The following OPHN1 variants were observed in gnomAD, a reference collection of about 807,000 sequenced individuals.
The protein encoded by OPHN1 is oligophrenin 1, also known as oligophrenin-1.
In OPHN1, 11 loss-of-function variants were observed where a neutral mutation model predicts 60.7. The ratio of observed to expected loss-of-function variants is 0.18; its 90% CI spans 0.11 to 0.30. The LOEUF is 0.30. Ranked by LOEUF, OPHN1 falls within the 10% of genes least tolerant of loss-of-function variation. The pLI is 1.00. For synonymous variants in OPHN1, 226 were observed against 222.6 expected, an observed-to-expected ratio of 1.02 and a Z score of -0.14; for missense variants, 449 against 611.0, an observed-to-expected ratio of 0.73 and a Z score of 2.80.
At chrX:68,113,713 G>A (rs939881024) in intron 16 of OPHN1, among the ~76,000 whole-genome samples, 1 of 103,884 alleles carries the variant, frequency 9.6e-6, no homozygotes, top group Non-Finnish European at 1.9e-5. Context: ...CTATCGCAAG[G>A]ACAAAAAACC....
At chrX:68,106,649 A>G (rs757341248) in intron 18 of OPHN1, among the ~76,000 whole-genome samples, 2 of 111,724 alleles carry the variant, frequency 1.8e-5, no homozygotes, top group South Asian at 7.6e-4. Flanking sequence ...GATACTAACC[A>G]AAAAGAACTG....
At chrX:68,131,601 C>T (rs1486981089) in intron 15 of OPHN1, among the ~76,000 whole-genome samples, 1 of 111,949 alleles carries the variant, frequency 8.9e-6, no homozygotes, top group African/African-American at 3.3e-5. Flanking sequence ...AATACAGACA[C>T]CACCTTTATA....
At chrX:68,378,198 T>C (rs1463966894) in intron 2 of OPHN1, among the ~76,000 whole-genome samples, 1 of 112,644 alleles carries the variant, frequency 8.9e-6, no homozygotes, top group African/African-American at 3.2e-5. Flanking sequence ...TGAGCATTTT[T>C]TCATGTGTCT....
chrX:68,131,348 A>G (rs1289715013), intron 15 of OPHN1, among the ~76,000 whole-genome samples: 6 of 109,460 alleles, frequency 5.5e-5, no homozygotes, highest in African/African-American at 2.0e-4. Context: ...CCTCCCGAGT[A>G]GCTGGGACTA....
chrX:68,174,735 G>C (rs2066144260), intron 15 of OPHN1, among the ~76,000 whole-genome samples: 1 of 110,059 alleles, frequency 9.1e-6, no homozygotes, highest in African/African-American at 3.3e-5. Flanking sequence ...GCCTCCTAAA[G>C]TGCTGGGATT....
intron 15 of OPHN1, among the ~76,000 whole-genome samples, chrX:68,140,258 G>A (rs1387693503): frequency 9.0e-6 from 1 of 111,502 alleles, no homozygotes; most frequent in East Asian, 2.8e-4. Context: ...TATGTAACAT[G>A]GAAACATTAA....
At chrX:68,324,479 G>A (rs1260909260) in intron 2 of OPHN1, among the ~76,000 whole-genome samples, 8 of 106,132 alleles carry the variant, frequency 7.5e-5, no homozygotes, top group Admixed American at 6.2e-4. Flanking sequence ...GTATGGTGGT[G>A]CGCGCTGTAG....
intron 2 of OPHN1, among the ~76,000 whole-genome samples, chrX:68,303,322 T>A (rs950886819): frequency 1.3e-4 from 15 of 111,887 alleles, no homozygotes; most frequent in Admixed American, 9.5e-4. Context: ...AAATATGGAA[T>A]CGACCTAAGT....
chrX:68,271,976 G>A (rs772031991), intron 5 of OPHN1, among the ~76,000 whole-genome samples: 2 of 8,531 alleles, frequency 2.3e-4, no homozygotes, highest in African/African-American at 8.5e-4. Context: ...CCCCAACCCC[G>A]CCTCAGCTGG....
intron 2 of OPHN1, among the ~76,000 whole-genome samples, chrX:68,397,015 T>C (rs2078688318): frequency 9.0e-6 from 1 of 110,593 alleles, no homozygotes; most frequent in African/African-American, 3.3e-5. Flanking sequence ...TAATCTTCTC[T>C]GGGTGGCTAG....
In OPHN1 at chrX:68,286,046, T is replaced by C. The variant is rs191466567; in HGVS notation, c.251-2929A>G. 3.6e-5 allele frequency among the ~76,000 whole-genome samples: 4 copies of C among 111,300 alleles called. No individual in the cohort carries two copies. In the East Asian group the frequency reaches 1.1e-3, roughly 31 times the overall value. ...GGGCTTCCTCGGGGGCAGGTTCTATTAATTGCTTTTTTTCCCTTGTTCAAG... is the reference window on the plus strand; with the variant it reads ...GGGCTTCCTCGGGGGCAGGTTCTATCAATTGCTTTTTTTCCCTTGTTCAAG... On this transcript the variant is annotated intron_variant, in intron 3 of 24. Coordinates refer to ENST00000355520, the MANE Select transcript of OPHN1 (RefSeq NM_002547.3).
chrX:68,353,825 C>T (rs779115839), intron 2 of OPHN1, among the ~76,000 whole-genome samples: 5 of 111,462 alleles, frequency 4.5e-5, no homozygotes, highest in South Asian at 7.4e-4. Context: ...AAAGGAGCTA[C>T]ACCACAAGGC....
chrX:68,416,263 G>A (rs1039615947), intron 2 of OPHN1, among the ~76,000 whole-genome samples: 8 of 107,785 alleles, frequency 7.4e-5, no homozygotes, highest in Admixed American at 6.1e-4. Flanking sequence ...AGCTGGTCTC[G>A]AACTACTGAA....
intron 5 of OPHN1, 94 bp from the exon 6 acceptor site, chrX:68,234,682 G>C (rs1448977132): frequency 4.3e-6 from 3 of 696,118 alleles, no homozygotes; most frequent in Non-Finnish European, 6.8e-6. Context: ...TCAGGTTTCA[G>C]GTGGTCAATC....
chrX:68,262,049 A>G (rs890651638), intron 5 of OPHN1, among the ~76,000 whole-genome samples: 3 of 111,873 alleles, frequency 2.7e-5, no homozygotes, highest in African/African-American at 9.8e-5. Context: ...TAAGAGTTTA[A>G]GTATATTATT....
chrX:68,055,471 G>A (rs1045392052), intron 21 of OPHN1, among the ~76,000 whole-genome samples: 2 of 112,226 alleles, frequency 1.8e-5, no homozygotes, highest in Non-Finnish European at 3.8e-5. Context: ...TAGAGAGGAC[G>A]TGGAGAAATA....
At chrX:68,357,617 G>A (rs1204246995) in intron 2 of OPHN1, among the ~76,000 whole-genome samples, 3 of 111,266 alleles carry the variant, frequency 2.7e-5, no homozygotes, top group East Asian at 2.8e-4. Context: ...ATTCCATGGT[G>A]TATATGTGCC....
chrX:68,423,072 T>C (rs1372512045), intron 2 of OPHN1, among the ~76,000 whole-genome samples: 2 of 109,060 alleles, frequency 1.8e-5, no homozygotes, highest in Non-Finnish European at 3.8e-5. Flanking sequence ...GTTGCCCAGG[T>C]TGGAGTGTAA....
chrX:68,209,827 A>G (rs1415066843), intron 9 of OPHN1, among the ~76,000 whole-genome samples: 1 of 111,500 alleles, frequency 9.0e-6, no homozygotes, highest in Non-Finnish European at 1.9e-5. Context: ...TAAGTATAAG[A>G]AATATTATTT....
Sources: gnomAD v4.1 joint callset for allele counts (sites outside exome capture counted in the v4.1 genomes callset) on GRCh38, gnomAD v4.1.1 for gene constraint, MANE v1.5 for transcripts, NCBI Gene and HGNC (gene_info 2026-07-23, HGNC 2026-07-21) for gene names.